The following RELN variants were observed in gnomAD, a reference collection of about 807,000 sequenced individuals.
RELN encodes the protein reelin.
In RELN, 108 loss-of-function variants were observed where a neutral mutation model predicts 427.6. The observed-to-expected ratio is 0.25, with a 90% CI of 0.22 to 0.30. The LOEUF is 0.30. Among genes scored for constraint, RELN ranks in the 10% least tolerant of loss-of-function variants. The pLI, the probability that RELN is intolerant of heterozygous loss-of-function variation, is 1.00. For missense variants in RELN, 3,715 were observed against 4,302.8 expected, an observed-to-expected ratio of 0.86 and a Z score of 3.82; for synonymous variants, 1,524 against 1,513.4, an observed-to-expected ratio of 1.01 and a Z score of -0.16.
intron 1 of RELN, among the ~76,000 whole-genome samples, chr7:103,962,573 G>A (rs1796579396): frequency 6.6e-6 from 1 of 152,076 alleles, no homozygotes; most frequent in Non-Finnish European, 1.5e-5. Context: ...AAGCGGAGAA[G>A]AGAACACCTC....
intron 28 of RELN, among the ~76,000 whole-genome samples, chr7:103,582,169 A>G (rs527441663): frequency 1.3e-5 from 2 of 152,246 alleles, no homozygotes; most frequent in East Asian, 3.8e-4. Flanking sequence ...CTGGATCCAG[A>G]GATGGAAGTC....
chr7:103,883,116 G>A (rs575362876), intron 2 of RELN, among the ~76,000 whole-genome samples: 9 of 152,258 alleles, frequency 5.9e-5, no homozygotes, highest in South Asian at 2.1e-4. Flanking sequence ...TCCATGGGAC[G>A]CAGGGCTGGT....
chr7:103,515,228 G>A lies in RELN; in HGVS notation c.8076C>T (p.Val2692=), dbSNP rs772775437. 11 of 1,614,166 alleles carry A rather than the reference G, an allele frequency of 6.8e-6. No homozygotes were observed. Among genetic ancestry groups the A allele is most frequent in the East Asian group, 2.2e-5 (1 of 44,880 alleles). ...HERSPADAGP[V]GRIAFDMFME... ...TAAACATGTCAAAGGCGATCCTCCC[G>A]ACAGGGCCGGCATCTGCAGGGGAGC... Residue 2692 remains valine (V), a synonymous_variant, in exon 50 of 65, where the codon GTC becomes GTT. Coordinates refer to ENST00000428762, the MANE Select transcript of RELN (RefSeq NM_005045.4).
intron 12 of RELN, among the ~76,000 whole-genome samples, chr7:103,658,563 T>C (rs1038876418): frequency 2.6e-5 from 4 of 152,034 alleles, no homozygotes; most frequent in African/African-American, 4.8e-5. Context: ...CCCTATCCTA[T>C]CCATCTATCC....
At chr7:103,571,844 C>T (rs1409797351) in intron 31 of RELN, among the ~76,000 whole-genome samples, 1 of 152,142 alleles carries the variant, frequency 6.6e-6, no homozygotes, top group African/African-American at 2.4e-5. Flanking sequence ...AAACAAGTCT[C>T]TAGCTTCCAT....
chr7:103,715,597 G>A (rs1332107783), intron 8 of RELN, among the ~76,000 whole-genome samples: 1 of 152,128 alleles, frequency 6.6e-6, no homozygotes, highest in Non-Finnish European at 1.5e-5. Flanking sequence ...AATGACCACA[G>A]GATATAAAAT....
chr7:103,769,038 T>C (rs1193529142), intron 4 of RELN, among the ~76,000 whole-genome samples: 1 of 152,152 alleles, frequency 6.6e-6, no homozygotes, highest in African/African-American at 2.4e-5. Flanking sequence ...ACCCCACTGA[T>C]CTACTTCTGC....
intron 1 of RELN, among the ~76,000 whole-genome samples, chr7:103,951,351 G>A (rs538262829): frequency 2.6e-5 from 4 of 152,266 alleles, no homozygotes; most frequent in Non-Finnish European, 5.9e-5. Context: ...CTAGAGATAC[G>A]ATATTTTGGA....
At chr7:103,684,405 A>G (rs910680667) in intron 10 of RELN, among the ~76,000 whole-genome samples, 6 of 152,080 alleles carry the variant, frequency 3.9e-5, no homozygotes, top group South Asian at 2.1e-4. Flanking sequence ...CTTGCTTTCT[A>G]TCTGCATTTC....
intron 43 of RELN, 57 bp from the exon 44 acceptor site, chr7:103,540,512 A>T: frequency 6.4e-7 from 1 of 1,551,506 alleles, no homozygotes; most frequent in Non-Finnish European, 8.9e-7. Context: ...CCACATGCTT[A>T]ACAACAGACA....
chr7:103,566,312 C>A lies in RELN; in HGVS notation c.4848G>T (p.Leu1616Phe), dbSNP rs200733882. The change falls in exon 33 of 65, where the codon TTG becomes TTT. Residue 1616 changes from leucine (L) to phenylalanine (F), a missense_variant. By Grantham distance (22) the Leu-to-Phe change is conservative. Transcript: ENST00000428762. Reference sequence around the variant, plus strand: ...CTTGGATTCGATACCAGTTGGCTTGCAAATCTATAGAGCCATCAAATTTGT... The same window carrying A: ...CTTGGATTCGATACCAGTTGGCTTGAAAATCTATAGAGCCATCAAATTTGT... Reference protein sequence around the residue: ...FQDKFDGSIDLQANWYRIQGG... With the variant: ...FQDKFDGSIDFQANWYRIQGG... 26 of 1,613,990 alleles carry A rather than the reference C, an allele frequency of 1.6e-5. No homozygotes were observed. In the African/African-American group the frequency reaches 1.7e-4, roughly 11 times the overall value.
chr7:103,535,780 T>C (rs1391266766), intron 45 of RELN, among the ~76,000 whole-genome samples: 1 of 152,158 alleles, frequency 6.6e-6, no homozygotes, highest in Admixed American at 6.5e-5. Flanking sequence ...GGAACAATCA[T>C]CATGACAAAA....
At position 103,661,378 on chromosome 7, in the gene RELN, A is replaced by C; in HGVS notation, c.1439T>G (p.Met480Arg). 1 of 1,613,886 alleles carries C rather than the reference A, an allele frequency of 6.2e-7. No individual in the cohort carries two copies. The highest frequency in any genetic ancestry group is 8.5e-7 in the Non-Finnish European group (1 of 1,179,848). Reference sequence around the variant, plus strand: ...AAAGTTTGTGAAAATGTACTTACCCATCACAAAGTAAAACCTCAGGTTCCC... The same window carrying C: ...AAAGTTTGTGAAAATGTACTTACCCCTCACAAAGTAAAACCTCAGGTTCCC... ...GYGNLRFYFV[M>R]GGICDPGNSH... The change falls in exon 12 of 65, where the codon ATG becomes AGG. Residue 480 changes from methionine (M) to arginine (R), a missense_variant and splice_region_variant. Transcript: ENST00000428762.
At chr7:103,665,035 C>T (rs867343410) in intron 11 of RELN, among the ~76,000 whole-genome samples, 4 of 151,992 alleles carry the variant, frequency 2.6e-5, no homozygotes, top group Non-Finnish European at 4.4e-5. Flanking sequence ...TAGAGATACT[C>T]GTCTATATTT....
At chr7:103,755,166 A>G (rs958272691) in intron 4 of RELN, among the ~76,000 whole-genome samples, 5 of 152,018 alleles carry the variant, frequency 3.3e-5, no homozygotes, top group African/African-American at 1.2e-4. Flanking sequence ...TTAAGATATT[A>G]TGATAGTGGC....
intron 3 of RELN, among the ~76,000 whole-genome samples, chr7:103,788,319 G>C (rs1353039111): frequency 3.3e-5 from 5 of 152,126 alleles, no homozygotes; most frequent in Non-Finnish European, 5.9e-5. Context: ...CTTCAACACA[G>C]TAATGGAAGT....
chr7:103,582,009 G>A (rs1387504224), intron 28 of RELN, among the ~76,000 whole-genome samples: 1 of 152,126 alleles, frequency 6.6e-6, no homozygotes, highest in African/African-American at 2.4e-5. Context: ...CATAGCAAAA[G>A]GTAACTAAGC....
chr7:103,653,362 T>C (rs1490590931), intron 13 of RELN, among the ~76,000 whole-genome samples: 1 of 152,078 alleles, frequency 6.6e-6, no homozygotes, highest in Non-Finnish European at 1.5e-5. Flanking sequence ...GTGCTGGATA[T>C]TCACTCTGGT....
intron 5 of RELN, among the ~76,000 whole-genome samples, chr7:103,751,732 A>G (rs1791007631): frequency 6.6e-6 from 1 of 152,362 alleles, no homozygotes; most frequent in East Asian, 1.9e-4. Context: ...TGTCTGCCAA[A>G]TAAGAGGAGC....
Sources: allele counts gnomAD v4.1 joint callset (sites outside exome capture counted in the v4.1 genomes callset), GRCh38; gene constraint gnomAD v4.1.1; transcripts MANE v1.5; gene names NCBI Gene and HGNC (gene_info 2026-07-23, HGNC 2026-07-21).